Variants in BHMT observed in about 807,000 individuals in gnomAD.
BHMT encodes the protein betaine--homocysteine S-methyltransferase 1.
BHMT carries 38 observed loss-of-function variants against 49.5 expected under a neutral mutation model. That is an observed-to-expected ratio of 0.77 (90% CI 0.59 to 1.01). BHMT has a LOEUF of 1.01. Among genes scored for constraint, BHMT ranks in the 50% least tolerant of loss-of-function variants. The probability of loss-of-function intolerance (pLI) is 0.00; values close to 1 mark genes in which losing one functional copy is unlikely to be tolerated. For missense variants in BHMT, 426 were observed against 495.7 expected (o/e 0.86, Z 1.34); for synonymous variants, 166 against 176.3 (o/e 0.94, Z 0.46).
chr5:79,118,360 G>A (rs2112724804), intron 2 of BHMT, among the ~76,000 whole-genome samples: 1 of 152,074 alleles, frequency 6.6e-6, no homozygotes, highest in South Asian at 2.1e-4. Flanking sequence ...CCAGCTACTT[G>A]GAAGGCTGAG....
intron 4 of BHMT, 146 bp downstream of exon 4, chr5:79,120,687 G>T: frequency 1.3e-6 from 1 of 759,580 alleles, no homozygotes; most frequent in Non-Finnish European, 1.9e-6. Flanking sequence ...TCCAATTCAG[G>T]GCTACTACTA....
Position 79,120,552 on chromosome 5 carries a change from A to G in BHMT, c.477+11A>G, listed in dbSNP as rs142300193. On this transcript the variant is annotated intron_variant, in intron 4 of 7. Transcript: ENST00000274353. ...TTCTTGATTGCAGAGGTAAAGAAAG[A>G]TGTGGTGAAAGATAAGACAAATACA... 14 of 1,601,522 alleles carry G rather than the reference A, an allele frequency of 8.7e-6. No homozygotes were observed. In the Admixed American group the frequency reaches 2.4e-4, roughly 28 times the overall value.
intron 5 of BHMT, among the ~76,000 whole-genome samples, chr5:79,125,343 C>T (rs1756536254): frequency 6.6e-6 from 1 of 151,282 alleles, no homozygotes; most frequent in East Asian, 2.0e-4. Flanking sequence ...ATAGTCCCAG[C>T]TACTCAGGAG....
At chr5:79,117,871 A>T (rs1756410556) in intron 2 of BHMT, among the ~76,000 whole-genome samples, 1 of 152,214 alleles carries the variant, frequency 6.6e-6, no homozygotes, top group South Asian at 2.1e-4. Flanking sequence ...GTTTTTGTGA[A>T]ATCCAAGTTT....
At chr5:79,123,420 GCTGC>G (rs1756503207) in intron 5 of BHMT, among the ~76,000 whole-genome samples, 2 of 152,214 alleles carry the variant, frequency 1.3e-5, no homozygotes, top group Non-Finnish European at 2.9e-5. Context: ...CATCACTCAT[GCTGC>G]ATCCAGAAAT....
intron 5 of BHMT, among the ~76,000 whole-genome samples, chr5:79,124,824 T>C (rs1218580666): frequency 1.3e-5 from 2 of 152,242 alleles, no homozygotes; most frequent in Non-Finnish European, 2.9e-5. Context: ...GATAGGCTAG[T>C]AACCACATTG....
chr5:79,124,124 A>G (rs1183676369), intron 5 of BHMT, among the ~76,000 whole-genome samples: 1 of 152,160 alleles, frequency 6.6e-6, no homozygotes, highest in African/African-American at 2.4e-5. Context: ...TGAGGTTACC[A>G]GGGGCTAGCA....
chr5:79,119,274 G>A lies in BHMT; in HGVS notation c.182G>A (p.Arg61Gln), dbSNP rs370702877. The change falls in exon 3 of 8, where the codon CGA becomes CAA. Residue 61 changes from arginine to glutamine, a missense_variant. Arg to Gln is a conservative substitution (Grantham distance 43, BLOSUM62 1). Around this residue, in one of 3 missense-constraint regions of BHMT, gnomAD observed 321 missense variants for 355.9 expected, o/e 0.90. Transcript: ENST00000274353. ...EHPEAVRQLH[R>Q]EFLRAGSNVM... ...ACTCTCCCAGTTCGCCAGCTTCATCGAGAGTTCCTCAGAGCTGGCTCAAAC... is the reference window on the plus strand; with the variant it reads ...ACTCTCCCAGTTCGCCAGCTTCATCAAGAGTTCCTCAGAGCTGGCTCAAAC... The A allele has an allele frequency of 3.4e-5, 55 of 1,608,308 alleles. 1 individual carries two copies. Among genetic ancestry groups the A allele is most frequent in the Admixed American group, 5.2e-5 (3 of 58,174 alleles).
intron 2 of BHMT, among the ~76,000 whole-genome samples, chr5:79,118,781 T>A (rs1417244707): frequency 6.6e-6 from 1 of 152,208 alleles, no homozygotes; most frequent in Admixed American, 6.5e-5. Flanking sequence ...TAGCATTGAA[T>A]TCTTCCAAGT....
intron 1 of BHMT, among the ~76,000 whole-genome samples, chr5:79,114,920 C>G (rs940025926): frequency 6.6e-6 from 1 of 152,042 alleles, no homozygotes; most frequent in Non-Finnish European, 1.5e-5. Flanking sequence ...TACTTAATTC[C>G]AAAGTTATCC....
rs1297587918 is a variant in BHMT at position 79,111,908 on chromosome 5, A to T, written c.23A>T (p.Lys8Met). The T allele has an allele frequency of 6.2e-7, 1 of 1,609,736 alleles. No individual in the cohort carries two copies. Among genetic ancestry groups the T allele is most frequent in the Non-Finnish European group, 8.5e-7 (1 of 1,178,030 alleles). The change falls in exon 1 of 8, where the codon AAG becomes ATG. Residue 8 changes from lysine to methionine, a missense_variant. Physicochemically the swap from Lys to Met is moderately conservative, Grantham distance 95 (BLOSUM62 -1). Around this residue, in one of 3 missense-constraint regions of BHMT, gnomAD observed 321 missense variants for 355.9 expected, o/e 0.90. Transcript: ENST00000274353. Reference protein sequence around the residue: MPPVGGKKAKKGILERLN... With the variant: MPPVGGKMAKKGILERLN... ...AAGATGCCACCCGTTGGGGGCAAAA[A>T]GGCCAAGAAGGTGAGTCTCCAGGGG...
intron 7 of BHMT, among the ~76,000 whole-genome samples, chr5:79,128,589 AT>A (rs1354733706): frequency 6.6e-6 from 1 of 151,632 alleles, no homozygotes; most frequent in Non-Finnish European, 1.5e-5. Context: ...ATGAAATGTG[AT>A]TTTGTGCTCT....
chr5:79,120,523 G>C lies in BHMT; in HGVS notation c.459G>C (p.Val153=), dbSNP rs751725518. ...TAGAGGTCTTTATGAAGAAGAACGT[G>C]GACTTCTTGATTGCAGAGGTAAAGA... The part of the protein sequence containing the change: ...QQLEVFMKKN[V]DFLIAEYFEH... The change falls in exon 4 of 8, where the codon GTG becomes GTC. Residue 153 remains valine (V), a synonymous_variant. Coordinates refer to ENST00000274353, the MANE Select transcript of BHMT (RefSeq NM_001713.3). 7.4e-6 allele frequency: 12 copies of C among 1,610,950 alleles called. No homozygotes were observed. In the African/African-American group the frequency reaches 1.1e-4, roughly 14 times the overall value.
At chr5:79,114,228 G>A (rs986641979) in intron 1 of BHMT, among the ~76,000 whole-genome samples, 1 of 151,944 alleles carries the variant, frequency 6.6e-6, no homozygotes, top group Admixed American at 6.6e-5. Flanking sequence ...TCAAAATGAC[G>A]TGTGAGCCAT....
In BHMT at chr5:79,119,323, T is replaced by C. The variant is rs925882963; in HGVS notation, c.231T>C (p.Tyr77=). The part of the protein sequence containing the change: ...GSNVMQTFTF[Y]ASEDKLENRG... ...ACGTCATGCAGACCTTCACCTTCTA[T>C]GCGAGTGAAGACAAGCTGGAGAACA... The change falls in exon 3 of 8, where the codon TAT becomes TAC. Residue 77 remains tyrosine, a synonymous_variant. Transcript: ENST00000274353. The C allele has an allele frequency of 6.2e-7, 1 of 1,614,172 alleles. No homozygotes were observed. The highest frequency in any genetic ancestry group is 1.6e-4 in the Middle Eastern group (1 of 6,062).
Position 79,131,178 on chromosome 5 carries a change from G to C in BHMT, c.*62G>C. 6.7e-7 allele frequency: 1 copy of C among 1,489,174 alleles called. No individual in the cohort carries two copies. The highest frequency in any genetic ancestry group is 9.1e-7 in the Non-Finnish European group (1 of 1,099,648). The allele number at this position is 1,489,174 out of a possible 1,614,324, so 92.2% of individuals were successfully genotyped here. A position where few individuals can be genotyped will look rare whatever the true frequency, so the allele number is the denominator to read the frequency against. ...TTTGGGTCACAGTTCCTACAAATAC[G>C]GAAAAGGGGGTTAAAAAGCAGTGCT... is the stretch of plus-strand genomic sequence containing the variant. On this transcript the variant is annotated 3_prime_UTR_variant, in exon 8 of 8. Coordinates refer to ENST00000274353, the MANE Select transcript of BHMT (RefSeq NM_001713.3).
chr5:79,130,844 A>G, intron 7 of BHMT, 89 bp from the exon 8 acceptor site: 1 of 1,177,454 alleles, frequency 8.5e-7, no homozygotes, highest in Non-Finnish European at 1.1e-6. Context: ...TATTTAAAAT[A>G]TTATATAATT....
intron 5 of BHMT, among the ~76,000 whole-genome samples, 175 bp downstream of exon 5, chr5:79,121,540 C>T (rs928527698): frequency 1.8e-4 from 28 of 152,116 alleles, no homozygotes; most frequent in South Asian, 2.1e-4. Flanking sequence ...AATGGCTGGG[C>T]GCGGTGGCTG....
At position 79,131,309 on chromosome 5, in the gene BHMT, C is replaced by A; in HGVS notation, c.*193C>A. 1.8e-6 allele frequency: 1 copy of A among 544,446 alleles called. No individual in the cohort carries two copies. The highest frequency in any genetic ancestry group is 3.1e-6 in the Non-Finnish European group (1 of 327,324). 33.7% of individuals were successfully genotyped at this position (544,446 alleles called of 1,614,324 possible). Reference sequence around the variant, plus strand: ...TATGTTTTAGAAATTTTCTTAGGAGCAAAATAAGTACAAAGTAAATCTTGA... The same window carrying A: ...TATGTTTTAGAAATTTTCTTAGGAGAAAAATAAGTACAAAGTAAATCTTGA... On this transcript the variant is annotated 3_prime_UTR_variant, in exon 8 of 8. Transcript: ENST00000274353.
Sources: gnomAD v4.1 joint callset for allele counts (sites outside exome capture counted in the v4.1 genomes callset) on GRCh38, gnomAD v4.1.1 for gene constraint, gnomAD v4.1.1 regional missense constraint, MANE v1.5 for transcripts, NCBI Gene and HGNC (gene_info 2026-07-23, HGNC 2026-07-21) for gene names.